The following CHGB variants were observed in gnomAD, a reference collection of about 807,000 sequenced individuals.
CHGB encodes the protein chromogranin B.
A neutral mutation model predicts 69.9 loss-of-function variants in CHGB; 46 were observed. That is an observed-to-expected ratio of 0.66 (90% CI 0.52 to 0.84). CHGB has a LOEUF of 0.84. Ranked by LOEUF, CHGB falls within the 40% of genes least tolerant of loss-of-function variation. CHGB has a pLI of 0.00. For missense variants in CHGB, 796 were observed against 822.2 expected (o/e 0.97, Z 0.39); for synonymous variants, 312 against 298.2 (o/e 1.05, Z -0.48).
chr20:5,923,315 A>G lies in CHGB; in HGVS notation c.1171A>G (p.Ser391Gly). The change falls in exon 4 of 5, where the codon AGC (serine) becomes GGC (glycine). Residue 391 changes from serine to glycine, a missense_variant. Ser to Gly is a moderately conservative substitution (Grantham distance 56). This residue lies in a region of CHGB where 518 missense variants were observed against 506.3 expected (regional missense o/e 1.02). Coordinates refer to ENST00000378961, the MANE Select transcript of CHGB (RefSeq NM_001819.3). ...TGAGGAGGACAAGAGAAACTACCCC[A>G]GCTTAGAGCTTGATAAGATGGCACA... ...WDEEDKRNYPSLELDKMAHGY... is the reference protein window; with the variant it reads ...WDEEDKRNYPGLELDKMAHGY... 2.5e-6 allele frequency: 4 copies of G among 1,613,698 alleles called. No homozygotes were observed. In the East Asian group the frequency reaches 8.9e-5, roughly 36 times the overall value.
chr20:5,912,273 T>C (rs889428425), intron 1 of CHGB, among the ~76,000 whole-genome samples: 5 of 152,230 alleles, frequency 3.3e-5, no homozygotes, highest in African/African-American at 1.2e-4. Context: ...ATATAATATG[T>C]TCCTCTATTT....
intron 1 of CHGB, among the ~76,000 whole-genome samples, chr20:5,914,338 CA>C (rs2088463620): frequency 1.3e-5 from 2 of 151,632 alleles, no homozygotes; most frequent in African/African-American, 4.8e-5. Context: ...TTTTTTCCAT[CA>C]AAAAGAGATC....
chr20:5,923,598 A>G lies in CHGB; in HGVS notation c.1454A>G (p.Gln485Arg), dbSNP rs2088531052. 1 of 1,614,186 alleles carries G rather than the reference A, an allele frequency of 6.2e-7. No homozygotes were observed. The highest frequency in any genetic ancestry group is 1.7e-5 in the Admixed American group (1 of 60,026). The change falls in exon 4 of 5, where the codon CAG becomes CGG. Residue 485 changes from glutamine (Q) to arginine (R), a missense_variant. Gln to Arg is a conservative substitution (Grantham distance 43). Around this residue, in one of 3 missense-constraint regions of CHGB, gnomAD observed 274 missense variants for 298.9 expected, o/e 0.92. Transcript: ENST00000378961. ...GEEGAPGKWQ[Q>R]QGDLQDTKEN... ...GAAGGAGCCCCAGGGAAGTGGCAGC[A>G]GCAGGGAGACCTGCAGGACACTAAA...
chr20:5,922,270 G>A (rs2088518254), intron 3 of CHGB, 65 bp from the exon 4 acceptor site: 2 of 1,480,770 alleles, frequency 1.4e-6, no homozygotes, highest in Middle Eastern at 1.9e-4. Flanking sequence ...AGTGATTACT[G>A]AGGCTGGTGC....
At chr20:5,913,369 C>T (rs2088456764) in intron 1 of CHGB, among the ~76,000 whole-genome samples, 1 of 152,128 alleles carries the variant, frequency 6.6e-6, no homozygotes, top group Non-Finnish European at 1.5e-5. Flanking sequence ...TCCATTCCCA[C>T]CTCCCCACAG....
chr20:5,915,636 GGA>G (rs2122568148), intron 1 of CHGB: 1 of 152,334 alleles, frequency 6.6e-6, no homozygotes, highest in East Asian at 1.9e-4. Flanking sequence ...ACAGAGATAC[GGA>G]GAGAGAGCCA....
At chr20:5,918,966 A>T (rs895408995) in intron 3 of CHGB, among the ~76,000 whole-genome samples, 1 of 152,124 alleles carries the variant, frequency 6.6e-6, no homozygotes, top group Non-Finnish European at 1.5e-5. Flanking sequence ...CCCAGCCCAC[A>T]TACCTCTTTC....
intron 3 of CHGB, among the ~76,000 whole-genome samples, chr20:5,919,546 C>T (rs2088501530): frequency 2.0e-5 from 3 of 152,188 alleles, no homozygotes; most frequent in Admixed American, 6.5e-5. Context: ...TGGAGAAATA[C>T]AGACTATGTT....
At chr20:5,915,030 TG>T (rs2122567500) in intron 1 of CHGB, among the ~76,000 whole-genome samples, 1 of 152,320 alleles carries the variant, frequency 6.6e-6, no homozygotes, top group South Asian at 2.1e-4. Flanking sequence ...TCTGAGAACT[TG>T]CCCCAGCTAG....
chr20:5,918,560 C>T (rs2088492937), intron 3 of CHGB, among the ~76,000 whole-genome samples: 1 of 152,080 alleles, frequency 6.6e-6, no homozygotes, highest in Admixed American at 6.6e-5. Context: ...CACCTGTAAT[C>T]CCAGCACTTT....
In CHGB at chr20:5,911,599, T is replaced by G; in HGVS notation, c.-35T>G. On this transcript the variant is annotated 5_prime_UTR_variant, in exon 1 of 5. Coordinates refer to ENST00000378961, the MANE Select transcript of CHGB (RefSeq NM_001819.3). ...CCTCGCTTCTCCGGTCCAGCCGCCATCTTCCTTTCCGCACAGGGGCCGCCG... is the reference window on the plus strand; with the variant it reads ...CCTCGCTTCTCCGGTCCAGCCGCCAGCTTCCTTTCCGCACAGGGGCCGCCG... The G allele has an allele frequency of 6.6e-7, 1 of 1,519,508 alleles. No homozygotes were observed. Among genetic ancestry groups the G allele is most frequent in the Non-Finnish European group, 8.8e-7 (1 of 1,139,192 alleles). The allele number at this position is 1,519,508 out of a possible 1,614,324, so 94.1% of individuals were successfully genotyped here. A position where few individuals can be genotyped will look rare whatever the true frequency, so the allele number is the denominator to read the frequency against.
intron 1 of CHGB, among the ~76,000 whole-genome samples, chr20:5,913,631 T>TTC (rs929625385): frequency 4.5e-5 from 6 of 134,350 alleles, no homozygotes; most frequent in African/African-American, 2.0e-4. Flanking sequence ...TTCTTTTCTT[T>TTC]TTTTTTTTTT....
chr20:5,921,233 A>G (rs2088512038), intron 3 of CHGB, among the ~76,000 whole-genome samples: 1 of 152,306 alleles, frequency 6.6e-6, no homozygotes, highest in East Asian at 1.9e-4. Context: ...ATTATTTTAC[A>G]TTATTCTTTA....
In CHGB at chr20:5,925,283, A is replaced by G. The variant is rs999157786; in HGVS notation, c.*234A>G. ...GCAAAATAGACATATTAACATGCTT[A>G]TGACAATGACTGTGCTACTGTCTTT... is the stretch of plus-strand genomic sequence containing the variant. On this transcript the variant is annotated 3_prime_UTR_variant, in exon 5 of 5. Coordinates refer to ENST00000378961, the MANE Select transcript of CHGB (RefSeq NM_001819.3). The G allele has an allele frequency of 1.2e-5, 4 of 343,106 alleles. No individual in the cohort carries two copies. The highest frequency in any genetic ancestry group is 1.6e-5 in the Non-Finnish European group (3 of 186,902). 21.3% of individuals were successfully genotyped at this position (343,106 alleles called of 1,614,324 possible).
In CHGB at chr20:5,916,811, C is replaced by T. The variant is rs371555929; in HGVS notation, c.97-15C>T. The T allele has an allele frequency of 7.4e-6, 12 of 1,613,560 alleles. No individual in the cohort carries two copies. Among genetic ancestry groups the T allele is most frequent in the African/African-American group, 2.7e-5 (2 of 74,928 alleles). ...GATACCAGCTTCTCCAACCTGCTTT[C>T]GGGTTTCCCCCCAGGTGACTCGCTG... is the stretch of plus-strand genomic sequence containing the variant. On this transcript the variant is annotated splice_polypyrimidine_tract_variant and intron_variant, in intron 2 of 4. Coordinates refer to ENST00000378961, the MANE Select transcript of CHGB (RefSeq NM_001819.3).
Position 5,923,787 on chromosome 20 carries a change from A to C in CHGB, c.1643A>C (p.Glu548Ala). ...GACAACATGAATGACAATTTTCTCG[A>C]GGGTGAGGAGGAAAATGAGCTGACC... ...RRDNMNDNFL[E>A]GEEENELTLN... Residue 548 changes from glutamate (E) to alanine (A), a missense_variant, in exon 4 of 5, where the codon GAG (glutamate) becomes GCG (alanine). This residue lies in a region of CHGB where 274 missense variants were observed against 298.9 expected (regional missense o/e 0.92). Transcript: ENST00000378961. The C allele has an allele frequency of 6.2e-7, 1 of 1,614,232 alleles. No homozygotes were observed. The highest frequency in any genetic ancestry group is 1.1e-5 in the South Asian group (1 of 91,082).
At chr20:5,922,172 A>G (rs895802171) in intron 3 of CHGB, among the ~76,000 whole-genome samples, 163 bp from the exon 4 acceptor site, 4 of 152,232 alleles carry the variant, frequency 2.6e-5, no homozygotes, top group Admixed American at 6.5e-5. Context: ...AGGAGCTTTC[A>G]TAGCATTTAC....
intron 2 of CHGB, 113 bp downstream of exon 2, chr20:5,916,485 T>C: frequency 2.1e-6 from 2 of 950,050 alleles, no homozygotes; most frequent in Non-Finnish European, 3.2e-6. Flanking sequence ...AAAGCCAGGT[T>C]TTCATTGCTG....
At position 5,923,646 on chromosome 20, in the gene CHGB, T is replaced by C; in HGVS notation, c.1502T>C (p.Phe501Ser). The C allele has an allele frequency of 6.2e-7, 1 of 1,613,794 alleles. No individual in the cohort carries two copies. The highest frequency in any genetic ancestry group is 8.5e-7 in the Non-Finnish European group (1 of 1,179,860). ...DTKENREEAR[F>S]QDKQYSSHHT... ...AAAGAAAACAGGGAGGAAGCTAGGT[T>C]TCAAGATAAACAATATAGCTCCCAT... Residue 501 changes from phenylalanine (F) to serine (S), a missense_variant, in exon 4 of 5, where the codon TTT becomes TCT. Coordinates refer to ENST00000378961, the MANE Select transcript of CHGB (RefSeq NM_001819.3).
Sources: gnomAD v4.1 joint callset for allele counts (sites outside exome capture counted in the v4.1 genomes callset) on GRCh38, gnomAD v4.1.1 for gene constraint, gnomAD v4.1.1 regional missense constraint, MANE v1.5 for transcripts, NCBI Gene and HGNC (gene_info 2026-07-23, HGNC 2026-07-21) for gene names.